DEPDC1: variants seen among roughly 807,000 people sequenced by gnomAD.
DEPDC1 encodes DEP domain containing 1, also known as DEP domain-containing protein 1A.
Under a neutral mutation model 86.8 loss-of-function variants are expected in DEPDC1, and 66 were observed. That is an observed-to-expected ratio of 0.76 (90% confidence interval 0.62 to 0.93). DEPDC1 has a LOEUF of 0.93. Among genes scored for constraint, DEPDC1 ranks in the 40% least tolerant of loss-of-function variants. The pLI is 0.00. For missense variants in DEPDC1, 792 were observed against 935.7 expected (o/e 0.85, Z 2.00); for synonymous variants, 255 against 314.9 (o/e 0.81, Z 2.02).
intron 2 of DEPDC1, among the ~76,000 whole-genome samples, chr1:68,491,253 G>A (rs1032257144): frequency 6.6e-5 from 10 of 152,118 alleles, no homozygotes; most frequent in African/African-American, 1.9e-4. Context: ...ACAACCTATC[G>A]AATGGGAGAA....
At chr1:68,488,619 C>T (rs1038057290) in intron 4 of DEPDC1, 115 bp from the exon 5 acceptor site, 1 of 906,286 alleles carries the variant, frequency 1.1e-6, no homozygotes, top group Non-Finnish European at 1.6e-6. Context: ...ATTTCTAAGA[C>T]TTATATTTAG....
At chr1:68,494,899 T>G (rs1016094495) in intron 1 of DEPDC1, among the ~76,000 whole-genome samples, 1 of 152,126 alleles carries the variant, frequency 6.6e-6, no homozygotes, top group Non-Finnish European at 1.5e-5. Context: ...TCCCAGCACT[T>G]TGGGAGGCCG....
chr1:68,496,965 C>T lies in DEPDC1; in HGVS notation c.35G>A (p.Arg12Gln). Residue 12 changes from arginine (R) to glutamine (Q), a missense_variant, in exon 1 of 12, where the codon CGG (arginine) becomes CAG (glutamine). By Grantham distance (43) the Arg-to-Gln change is conservative. Transcript: ENST00000456315. The surrounding 1 kb of genome is among the most constrained non-coding windows in gnomAD (Gnocchi z 4.0). ...ESQGVPPGPYRATKLWNEVTT... is the reference protein window; with the variant it reads ...ESQGVPPGPYQATKLWNEVTT... Reference sequence around the variant, plus strand: ...GAGCTGTCTTACCAGCTTGGTGGCCCGATAAGGCCCGGGAGGCACACCCTG... The same window carrying T: ...GAGCTGTCTTACCAGCTTGGTGGCCTGATAAGGCCCGGGAGGCACACCCTG... 1 of 1,612,432 alleles carries T rather than the reference C, an allele frequency of 6.2e-7. No individual in the cohort carries two copies. The highest frequency in any genetic ancestry group is 1.1e-5 in the South Asian group (1 of 90,992).
At chr1:68,479,824 T>C (rs188896243) in intron 9 of DEPDC1, among the ~76,000 whole-genome samples, 1 of 149,984 alleles carries the variant, frequency 6.7e-6, no homozygotes, top group East Asian at 2.0e-4. Context: ...AAAAAAAAAG[T>C]ATATCCTTAA....
chr1:68,489,240 T>C (rs1646213415), intron 3 of DEPDC1, among the ~76,000 whole-genome samples: 1 of 151,954 alleles, frequency 6.6e-6, no homozygotes, highest in African/African-American at 2.4e-5. Flanking sequence ...TTAAATTATA[T>C]AACTGTTGTT....
chr1:68,476,946 G>A lies in DEPDC1; in HGVS notation c.2422C>T (p.Arg808Cys), dbSNP rs768952825. 17 of 1,595,110 alleles carry A rather than the reference G, an allele frequency of 1.1e-5. No individual in the cohort carries two copies. Among genetic ancestry groups the A allele is most frequent in the South Asian group, 4.6e-5 (4 of 87,750 alleles). Residue 808 changes from arginine to cysteine, a missense_variant, in exon 12 of 12, where the codon CGT becomes TGT. Physicochemically the swap from Arg to Cys is radical, Grantham distance 180. Coordinates refer to ENST00000456315, the MANE Select transcript of DEPDC1 (RefSeq NM_001114120.3). ...PMLILRKPKFRSLR is the reference protein window; with the variant it reads ...PMLILRKPKFCSLR ...AATTCAGTTAGTTATCTTAGACTAC[G>A]GAACTTTGGTTTTCTTAAAATCAGC... is the stretch of plus-strand genomic sequence containing the variant.
At chr1:68,495,761 A>C (rs1214376574) in intron 1 of DEPDC1, among the ~76,000 whole-genome samples, 1 of 152,186 alleles carries the variant, frequency 6.6e-6, no homozygotes, top group Non-Finnish European at 1.5e-5. Context: ...CCTATCTTCA[A>C]TCTCTATGCC....
Position 68,476,238 on chromosome 1 carries a change from T to C in DEPDC1, c.*694A>G, listed in dbSNP as rs537899313. 12 of 151,990 alleles carry C rather than the reference T, an allele frequency of 7.9e-5. No homozygotes were observed. The highest frequency in any genetic ancestry group is 7.2e-4 in the Admixed American group (11 of 15,240). 9.4% of individuals were successfully genotyped at this position (151,990 alleles called of 1,614,324 possible). A position where few individuals can be genotyped will look rare whatever the true frequency, so the allele number is the denominator to read the frequency against. On this transcript the variant is annotated 3_prime_UTR_variant, in exon 12 of 12. Coordinates refer to ENST00000456315, the MANE Select transcript of DEPDC1 (RefSeq NM_001114120.3). Reference sequence around the variant, plus strand: ...TAGCAGTTGCTAAATAAATATCTTTTGAATGAATATATGATTGCCTTATAC... The same window carrying C: ...TAGCAGTTGCTAAATAAATATCTTTCGAATGAATATATGATTGCCTTATAC...
intron 2 of DEPDC1, among the ~76,000 whole-genome samples, chr1:68,491,255 A>G (rs1646227261): frequency 6.6e-6 from 1 of 152,154 alleles, no homozygotes; most frequent in Admixed American, 6.5e-5. Flanking sequence ...AACCTATCGA[A>G]TGGGAGAAAA....
At chr1:68,495,471 T>C (rs1487827471) in intron 1 of DEPDC1, among the ~76,000 whole-genome samples, 1 of 152,158 alleles carries the variant, frequency 6.6e-6, no homozygotes, top group Non-Finnish European at 1.5e-5. Context: ...AGCAGAGAGA[T>C]TAATAAAATG....
intron 2 of DEPDC1, among the ~76,000 whole-genome samples, chr1:68,490,643 G>A (rs2100268347): frequency 6.6e-6 from 1 of 152,140 alleles, no homozygotes; most frequent in Non-Finnish European, 1.5e-5. Flanking sequence ...AGGTTAAATG[G>A]TAGTTTTGGT....
chr1:68,487,356 A>T (rs568175672), intron 5 of DEPDC1, among the ~76,000 whole-genome samples: 3 of 151,922 alleles, frequency 2.0e-5, no homozygotes, highest in African/African-American at 7.2e-5. Flanking sequence ...GCCTATTGCT[A>T]TGCTATTTGA....
chr1:68,496,658 C>A lies in DEPDC1; in HGVS notation c.48+294G>T, dbSNP rs377127958. On this transcript the variant is annotated intron_variant, in intron 1 of 11. Coordinates refer to ENST00000456315, the MANE Select transcript of DEPDC1 (RefSeq NM_001114120.3). The surrounding 1 kb of genome is among the most constrained non-coding windows in gnomAD (Gnocchi z 4.0). The stretch of plus-strand genomic sequence containing the variant: ...ATCGGAATATTCTAAGACGCCCCCA[C>A]GGGACGCCGGCCACACCAGGCACAG... 1.1e-5 allele frequency: 4 copies of A among 360,792 alleles called. No individual in the cohort carries two copies. The highest frequency in any genetic ancestry group is 2.0e-5 in the Non-Finnish European group (4 of 200,622). The allele number at this position is 360,792 out of a possible 1,614,324, so 22.3% of individuals were successfully genotyped here.
intron 3 of DEPDC1, 41 bp downstream of exon 3, chr1:68,489,411 T>C (rs765562358): frequency 7.6e-7 from 1 of 1,318,758 alleles, no homozygotes; most frequent in Admixed American, 2.8e-5. Context: ...GAGTACATCA[T>C]AATTATATTT....
At chr1:68,477,102 TA>T in intron 11 of DEPDC1, 33 bp from the exon 12 acceptor site, 1 of 1,547,608 alleles carries the variant, frequency 6.5e-7, no homozygotes, top group Middle Eastern at 1.7e-4. Context: ...AGAAGGTATT[TA>T]ACATTATTTC....
At chr1:68,493,684 A>T (rs1646243713) in intron 2 of DEPDC1, among the ~76,000 whole-genome samples, 4 of 152,166 alleles carry the variant, frequency 2.6e-5, no homozygotes, top group Admixed American at 2.6e-4. Context: ...CTGCTTAATA[A>T]ATATTCTCTT....
chr1:68,494,913 C>A lies in DEPDC1; in HGVS notation c.49-218G>T, dbSNP rs374352617. Among the ~76,000 whole-genome samples the A allele has an allele frequency of 7.2e-5, 11 of 152,222 alleles. No homozygotes were observed. The East Asian group carries it at 1.9e-3, about 27-fold the overall frequency. ...ATCCCAGCACTTTGGGAGGCCGATG[C>A]GGGTGGATCACCGGAGGTCGGGAGT... On this transcript the variant is annotated intron_variant, in intron 1 of 11. Transcript: ENST00000456315.
chr1:68,478,147 G>C (rs1358786444), intron 10 of DEPDC1, among the ~76,000 whole-genome samples, 175 bp from the exon 11 acceptor site: 4 of 151,774 alleles, frequency 2.6e-5, no homozygotes, highest in African/African-American at 9.7e-5. Flanking sequence ...CTAAACCCCA[G>C]CTCCATAATC....
chr1:68,489,065 T>C (rs1308084171), intron 3 of DEPDC1, 31 bp from the exon 4 acceptor site: 7 of 1,379,542 alleles, frequency 5.1e-6, no homozygotes, highest in Non-Finnish European at 7.2e-6. Context: ...GTTTAATCTG[T>C]TATGCTCAAA....
Sources: gnomAD v4.1 joint callset for allele counts (sites outside exome capture counted in the v4.1 genomes callset) on GRCh38, gnomAD v4.1.1 for gene constraint, Gnocchi (gnomAD v3.1) non-coding constraint, MANE v1.5 for transcripts, NCBI Gene and HGNC (gene_info 2026-07-23, HGNC 2026-07-21) for gene names.